LURAP1L: variants seen among roughly 807,000 people sequenced by gnomAD.
LURAP1L encodes leucine rich adaptor protein 1 like.
LURAP1L carries 12 observed loss-of-function variants against 13.8 expected under a neutral mutation model. The observed-to-expected ratio is 0.87, with a 90% confidence interval of 0.56 to 1.41. LURAP1L has a LOEUF of 1.41. Among genes scored for constraint, LURAP1L ranks in the 40% most tolerant of loss-of-function variants. The pLI is 0.00. For synonymous variants in LURAP1L, 139 were observed against 119.2 expected (o/e 1.17, Z -1.08); for missense variants, 375 against 292.9 (o/e 1.28, Z -2.04).
chr9:12,799,360 G>A (rs1819553218), intron 1 of LURAP1L, among the ~76,000 whole-genome samples: 1 of 152,114 alleles, frequency 6.6e-6, no homozygotes, highest in Non-Finnish European at 1.5e-5. Context: ...ATGCACATAT[G>A]TAATTTTTCA....
Position 12,775,696 on chromosome 9 carries a change from A to G in LURAP1L, c.-20A>G, listed in dbSNP as rs1819161366. On this transcript the variant is annotated 5_prime_UTR_variant, in exon 1 of 2. Transcript: ENST00000319264. ...TCATCTGCTGCGTTTTATTACTATTATCGCCGTTCCGGAAAAGTCATGGAA... is the reference window on the plus strand; with the variant it reads ...TCATCTGCTGCGTTTTATTACTATTGTCGCCGTTCCGGAAAAGTCATGGAA... 1.3e-6 allele frequency: 2 copies of G among 1,548,934 alleles called. No individual in the cohort carries two copies. Among genetic ancestry groups the G allele is most frequent in the African/African-American group, 2.8e-5 (2 of 72,026 alleles).
intron 1 of LURAP1L, among the ~76,000 whole-genome samples, chr9:12,817,548 A>G (rs144273360): frequency 1.3e-3 from 191 of 152,306 alleles, no homozygotes; most frequent in African/African-American, 4.5e-3. Flanking sequence ...GGTATTGCAT[A>G]TTATGATTGA....
At chr9:12,784,688 G>A (rs1366018034) in intron 1 of LURAP1L, among the ~76,000 whole-genome samples, 1 of 152,136 alleles carries the variant, frequency 6.6e-6, no homozygotes, top group Non-Finnish European at 1.5e-5. Context: ...GGCAACTATT[G>A]CCTGGTCACC....
At chr9:12,808,860 G>T (rs769882379) in intron 1 of LURAP1L, among the ~76,000 whole-genome samples, 4 of 152,048 alleles carry the variant, frequency 2.6e-5, no homozygotes, top group South Asian at 4.2e-4. Flanking sequence ...GTGTTATTCT[G>T]TGTCAGTCCA....
At chr9:12,806,987 C>T (rs954117221) in intron 1 of LURAP1L, among the ~76,000 whole-genome samples, 3 of 139,008 alleles carry the variant, frequency 2.2e-5, no homozygotes, top group Non-Finnish European at 3.0e-5. Context: ...CGCCACTGCA[C>T]TCCAGCCTGG....
At chr9:12,793,874 G>T (rs959425658) in intron 1 of LURAP1L, among the ~76,000 whole-genome samples, 1 of 152,038 alleles carries the variant, frequency 6.6e-6, no homozygotes. Context: ...AATAAAATGA[G>T]CTCAAAATAT....
intron 1 of LURAP1L, among the ~76,000 whole-genome samples, chr9:12,789,791 A>T (rs1758561863): frequency 1.3e-5 from 2 of 152,196 alleles, no homozygotes; most frequent in South Asian, 4.1e-4. Context: ...ATGTTCATAT[A>T]GGTTTTTAGA....
chr9:12,794,590 C>T (rs925566098), intron 1 of LURAP1L, among the ~76,000 whole-genome samples: 5 of 151,984 alleles, frequency 3.3e-5, no homozygotes, highest in African/African-American at 1.2e-4. Flanking sequence ...ATCTCTATGA[C>T]CATACACATG....
At position 12,809,790 on chromosome 9, in the gene LURAP1L, T is replaced by C. The variant is rs112462291; in HGVS notation, c.313-11596T>C. Among the ~76,000 whole-genome samples the C allele has an allele frequency of 3.3e-3, 499 of 152,316 alleles. 2 individuals are homozygous for C. The highest frequency in any genetic ancestry group is 0.011 in the African/African-American group (467 of 41,568). ...GAGTTAGATTCTGCTTACTATTTGCTGTAGCTATAGTGTCAGAGACTAAAA... is the reference window on the plus strand; with the variant it reads ...GAGTTAGATTCTGCTTACTATTTGCCGTAGCTATAGTGTCAGAGACTAAAA... On this transcript the variant is annotated intron_variant, in intron 1 of 1. Transcript: ENST00000319264.
At chr9:12,780,900 A>G (rs547869342) in intron 1 of LURAP1L, among the ~76,000 whole-genome samples, 3 of 152,236 alleles carry the variant, frequency 2.0e-5, no homozygotes, top group South Asian at 4.1e-4. Context: ...TGTTTAATCC[A>G]TGAGCTCAGC....
At chr9:12,784,751 T>C (rs894788636) in intron 1 of LURAP1L, among the ~76,000 whole-genome samples, 3 of 151,404 alleles carry the variant, frequency 2.0e-5, no homozygotes, top group African/African-American at 7.3e-5. Context: ...TGGTGAATCA[T>C]TCTAAACTTG....
chr9:12,821,750 G>A lies in LURAP1L; in HGVS notation c.677G>A (p.Cys226Tyr), dbSNP rs748944384. ...CCTAAATTGGATTCTGAATACTACT[G>A]CTTTGGCTAGTGACAGTTTTTTGCA... ...KRPKLDSEYY[C>Y]FG The change falls in exon 2 of 2, where the codon TGC (cysteine) becomes TAC (tyrosine). Residue 226 changes from cysteine (C) to tyrosine (Y), a missense_variant. Cys to Tyr is a radical substitution (Grantham distance 194). Coordinates refer to ENST00000319264, the MANE Select transcript of LURAP1L (RefSeq NM_203403.2). The A allele has an allele frequency of 3.1e-6, 5 of 1,609,398 alleles. No individual in the cohort carries two copies. The highest frequency in any genetic ancestry group is 4.5e-5 in the East Asian group (2 of 44,758).
intron 1 of LURAP1L, among the ~76,000 whole-genome samples, chr9:12,805,854 C>T (rs941939231): frequency 6.6e-6 from 1 of 152,080 alleles, no homozygotes; most frequent in Non-Finnish European, 1.5e-5. Context: ...ACCTTGTGAT[C>T]CAGTAGCAGT....
rs1290706676 is a variant in LURAP1L at position 12,822,371 on chromosome 9, C to T, written c.*611C>T. On this transcript the variant is annotated 3_prime_UTR_variant, in exon 2 of 2. Transcript: ENST00000319264. ...CAACCAACTCACCCTTGTGTTGGTA[C>T]TTTAGATTAACATTTTGTCATCAGT... is the stretch of plus-strand genomic sequence containing the variant. 6.6e-6 allele frequency among the ~76,000 whole-genome samples: 1 copy of T among 152,134 alleles called. No homozygotes were observed. The highest frequency in any genetic ancestry group is 1.5e-5 in the Non-Finnish European group (1 of 68,026).
intron 1 of LURAP1L, among the ~76,000 whole-genome samples, chr9:12,796,571 T>C (rs1563892085): frequency 6.6e-6 from 1 of 152,116 alleles, no homozygotes; most frequent in Non-Finnish European, 1.5e-5. Flanking sequence ...GATATGCTTT[T>C]CCACATTGCA....
rs1270388709 is a variant in LURAP1L at position 12,797,164 on chromosome 9, C to G, written c.312+21137C>G. On this transcript the variant is annotated intron_variant, in intron 1 of 1. Coordinates refer to ENST00000319264, the MANE Select transcript of LURAP1L (RefSeq NM_203403.2). Reference sequence around the variant, plus strand: ...CCACTACCTCTGAAATGCATTGCTACCAGGACTCTTGCTATTTCTGTGATC... The same window carrying G: ...CCACTACCTCTGAAATGCATTGCTAGCAGGACTCTTGCTATTTCTGTGATC... 2.6e-5 allele frequency among the ~76,000 whole-genome samples: 4 copies of G among 151,978 alleles called. No individual in the cohort carries two copies. The East Asian group carries it at 5.8e-4, about 22-fold the overall frequency.
intron 1 of LURAP1L, among the ~76,000 whole-genome samples, chr9:12,785,777 T>C (rs537310902): frequency 2.6e-5 from 4 of 152,204 alleles, no homozygotes; most frequent in Non-Finnish European, 5.9e-5. Context: ...AAGAGTCTTT[T>C]CTGCCCTCTT....
At chr9:12,790,980 T>A (rs1408157991) in intron 1 of LURAP1L, among the ~76,000 whole-genome samples, 1 of 152,184 alleles carries the variant, frequency 6.6e-6, no homozygotes, top group South Asian at 2.1e-4. Context: ...ATTTATTACC[T>A]AAGTAGCATC....
chr9:12,794,388 T>C (rs745411950), intron 1 of LURAP1L, among the ~76,000 whole-genome samples: 1 of 152,074 alleles, frequency 6.6e-6, no homozygotes. Context: ...GTTGATTTTG[T>C]GTCAACAAGA....
Sources: allele counts gnomAD v4.1 joint callset (sites outside exome capture counted in the v4.1 genomes callset), GRCh38; gene constraint gnomAD v4.1.1; transcripts MANE v1.5; gene names NCBI Gene and HGNC (gene_info 2026-07-23, HGNC 2026-07-21).